CBLB: variants seen among roughly 807,000 people sequenced by gnomAD.
CBLB encodes Cbl proto-oncogene B.
In CBLB, 31 loss-of-function variants were observed where a neutral mutation model predicts 104.9. That is an observed-to-expected ratio of 0.30 (90% CI 0.22 to 0.40). CBLB has a LOEUF of 0.40. Ranked by LOEUF, CBLB falls within the 10% of genes least tolerant of loss-of-function variation. The pLI is 1.00. For synonymous variants in CBLB, 440 were observed against 422.6 expected, an observed-to-expected ratio of 1.04 and a Z score of -0.51; for missense variants, 1,062 against 1,214.6, an observed-to-expected ratio of 0.87 and a Z score of 1.87.
At chr3:105,723,046 A>G (rs3772525) in intron 9 of CBLB, among the ~76,000 whole-genome samples, 10,178 of 152,226 alleles carry the variant, frequency 0.067, 495 homozygotes, top group Admixed American at 0.15. Flanking sequence ...GCAAAAACAC[A>G]GATCACAATG....
intron 7 of CBLB, among the ~76,000 whole-genome samples, chr3:105,738,113 G>A (rs1360277777): frequency 6.6e-6 from 1 of 152,012 alleles, no homozygotes; most frequent in African/African-American, 2.4e-5. Flanking sequence ...ATTAAATTAT[G>A]GTTAGTTCTG....
chr3:105,801,201 A>T (rs1191239681), intron 3 of CBLB, among the ~76,000 whole-genome samples: 6 of 152,162 alleles, frequency 3.9e-5, no homozygotes, highest in Admixed American at 3.9e-4. Context: ...ACTCAGGAAA[A>T]TAGCATAAAA....
At chr3:105,678,405 A>G in intron 17 of CBLB, 26 bp downstream of exon 17, 1 of 1,611,468 alleles carries the variant, frequency 6.2e-7, no homozygotes, top group Non-Finnish European at 8.5e-7. Flanking sequence ...TTAAGTGAAT[A>G]GTTTTCTTTG....
At chr3:105,791,082 C>A (rs2081580939) in intron 3 of CBLB, among the ~76,000 whole-genome samples, 1 of 152,130 alleles carries the variant, frequency 6.6e-6, no homozygotes. Flanking sequence ...AGATTTTTAC[C>A]CAAATTTAAA....
chr3:105,711,868 A>G (rs2152807836), intron 10 of CBLB, among the ~76,000 whole-genome samples: 1 of 152,238 alleles, frequency 6.6e-6, no homozygotes, highest in East Asian at 1.9e-4. Flanking sequence ...TTCCACTAGT[A>G]ACTTCTGGAA....
At position 105,867,473 on chromosome 3, in the gene CBLB, G is replaced by T; in HGVS notation, c.105C>A (p.Pro35=). The T allele has an allele frequency of 1.2e-6, 2 of 1,614,066 alleles. No individual in the cohort carries two copies. Among genetic ancestry groups the T allele is most frequent in the East Asian group, 2.2e-5 (1 of 44,886 alleles). Residue 35 remains proline (P), a synonymous_variant, in exon 2 of 19, where the codon CCC becomes CCA. Coordinates refer to ENST00000394030, the MANE Select transcript of CBLB (RefSeq NM_170662.5). ...TGCGATCTGCGGCAGCTTGCTTAGGGGGTCCAACTGCATCCTGAATAGCAT... is the reference window on the plus strand; with the variant it reads ...TGCGATCTGCGGCAGCTTGCTTAGGTGGTCCAACTGCATCCTGAATAGCAT... ...IIDAIQDAVG[P]PKQAAADRRT... is the part of the protein sequence containing the mutation.
chr3:105,822,669 A>T (rs1342364522), intron 3 of CBLB, among the ~76,000 whole-genome samples: 6 of 152,188 alleles, frequency 3.9e-5, no homozygotes, highest in African/African-American at 1.4e-4. Context: ...TACTACTCTT[A>T]GTACCCAAAC....
At chr3:105,683,525 G>T (rs1025526582) in intron 14 of CBLB, among the ~76,000 whole-genome samples, 2 of 142,558 alleles carry the variant, frequency 1.4e-5, no homozygotes, top group Non-Finnish European at 3.1e-5. Context: ...AAAATTTAAC[G>T]TATTAAAATT....
At chr3:105,857,646 T>C (rs557076689) in intron 2 of CBLB, among the ~76,000 whole-genome samples, 1 of 152,372 alleles carries the variant, frequency 6.6e-6, no homozygotes, top group East Asian at 1.9e-4. Flanking sequence ...GGCATATAAT[T>C]AATGATCCCT....
intron 9 of CBLB, among the ~76,000 whole-genome samples, chr3:105,725,597 A>G (rs1263721661): frequency 6.6e-6 from 1 of 152,162 alleles, no homozygotes; most frequent in Non-Finnish European, 1.5e-5. Flanking sequence ...TAATGTTACT[A>G]TAACGTGTTT....
At chr3:105,853,144 G>A (rs746269988) in intron 3 of CBLB, among the ~76,000 whole-genome samples, 1 of 152,140 alleles carries the variant, frequency 6.6e-6, no homozygotes, top group Non-Finnish European at 1.5e-5. Flanking sequence ...TTGCAGCCTA[G>A]GAGCAATAGG....
intron 14 of CBLB, among the ~76,000 whole-genome samples, chr3:105,682,562 A>G (rs2301051): frequency 6.6e-6 from 1 of 151,996 alleles, no homozygotes; most frequent in Non-Finnish European, 1.5e-5. Context: ...GCTGGAGTGC[A>G]GTGGCATGAT....
At chr3:105,745,447 A>T (rs1046729382) in intron 6 of CBLB, among the ~76,000 whole-genome samples, 1 of 152,250 alleles carries the variant, frequency 6.6e-6, no homozygotes, top group Non-Finnish European at 1.5e-5. Flanking sequence ...GGTTTTGATT[A>T]TAACAATAGG....
rs1055171790 is a variant in CBLB, at chr3:105,694,684, T to C, written c.1960-1096A>G. Among the ~76,000 whole-genome samples the C allele has an allele frequency of 2.6e-5, 4 of 151,910 alleles. No homozygotes were observed. In the East Asian group the frequency reaches 7.7e-4, roughly 29 times the overall value. ...AGAACATATTTGAAATGTATCAACG[T>C]TCGTATTTCAAAGCTACAAAATCAA... is the stretch of plus-strand genomic sequence containing the variant. On this transcript the variant is annotated intron_variant, in intron 12 of 18. Coordinates refer to ENST00000394030, the MANE Select transcript of CBLB (RefSeq NM_170662.5).
intron 9 of CBLB, among the ~76,000 whole-genome samples, chr3:105,725,138 A>G (rs2073421592): frequency 6.6e-6 from 1 of 152,248 alleles, no homozygotes; most frequent in Non-Finnish European, 1.5e-5. Context: ...AAACTACTAC[A>G]ATCAATGAAT....
intron 10 of CBLB, among the ~76,000 whole-genome samples, chr3:105,713,969 T>A (rs972643331): frequency 1.3e-5 from 2 of 152,204 alleles, no homozygotes; most frequent in African/African-American, 2.4e-5. Flanking sequence ...TGTCCCCATA[T>A]ATTACTGAAT....
chr3:105,748,780 C>T (rs2076339790), intron 5 of CBLB, among the ~76,000 whole-genome samples: 1 of 152,116 alleles, frequency 6.6e-6, no homozygotes, highest in Non-Finnish European at 1.5e-5. Flanking sequence ...AACATTTTTA[C>T]TTCTTTCATT....
At position 105,664,554 on chromosome 3, in the gene CBLB, TATTA is replaced by T. The variant is rs374117833; in HGVS notation, c.2690-5329_2690-5326del. ...AGGGTTTTAAGTGATTGCTTTTTCT[TATTA>T]ATTGTTTTCTCTGTAATTTCCTTTT... On this transcript the variant is annotated intron_variant, in intron 18 of 18. Transcript: ENST00000394030. Among the ~76,000 whole-genome samples, 973 of 152,286 alleles carry T rather than the reference TATTA, an allele frequency of 6.4e-3. 12 individuals are homozygous for T. The highest frequency in any genetic ancestry group is 0.022 in the African/African-American group (903 of 41,560).
intron 2 of CBLB, among the ~76,000 whole-genome samples, chr3:105,859,727 T>C (rs1407044625): frequency 1.3e-5 from 2 of 151,588 alleles, no homozygotes; most frequent in Admixed American, 6.6e-5. Flanking sequence ...AGGTTTCTTA[T>C]TACAGTGACC....
Sources: allele counts gnomAD v4.1 joint callset (sites outside exome capture counted in the v4.1 genomes callset), GRCh38; gene constraint gnomAD v4.1.1; transcripts MANE v1.5; gene names NCBI Gene and HGNC (gene_info 2026-07-23, HGNC 2026-07-21).